FHIT: variants seen among roughly 807,000 people sequenced by gnomAD.
The protein encoded by FHIT is fragile histidine triad diadenosine triphosphatase.
A neutral mutation model predicts 17.9 loss-of-function variants in FHIT; 19 were observed. The ratio of observed to expected loss-of-function variants is 1.06; its 90% CI spans 0.74 to 1.56. The LOEUF is 1.56. Among genes scored for constraint, FHIT ranks in the 40% most tolerant of loss-of-function variants. The pLI, the probability that FHIT is intolerant of heterozygous loss-of-function variation, is 0.00. For missense variants in FHIT, 248 were observed against 189.2 expected (o/e 1.31, Z -1.82); for synonymous variants, 81 against 69.7 (o/e 1.16, Z -0.81).
rs1342847064 is a variant in FHIT, at chr3:61,214,246, T to A, written c.-212-13581A>T. On this transcript the variant is annotated intron_variant, in intron 1 of 9. Coordinates refer to ENST00000492590, the MANE Select transcript of FHIT (RefSeq NM_002012.4). ...GGTTTTTTGAAAGGATCAACAAAATTGACAGACAGCTAGCAAGACTAATAA... is the reference window on the plus strand; with the variant it reads ...GGTTTTTTGAAAGGATCAACAAAATAGACAGACAGCTAGCAAGACTAATAA... 3.3e-5 allele frequency among the ~76,000 whole-genome samples: 4 copies of A among 121,638 alleles called. No individual in the cohort carries two copies. The South Asian group carries it at 1.0e-3, about 31-fold the overall frequency. The allele number at this position is 121,638 out of a possible 152,430, so 79.8% of individuals were successfully genotyped here. A position where few individuals can be genotyped will look rare whatever the true frequency, so the allele number is the denominator to read the frequency against.
At chr3:60,925,254 T>C (rs553399177) in intron 3 of FHIT, among the ~76,000 whole-genome samples, 3 of 152,246 alleles carry the variant, frequency 2.0e-5, no homozygotes, top group African/African-American at 7.2e-5. Flanking sequence ...AGACACATAA[T>C]TGTCAGATTC....
At chr3:60,618,163 G>A (rs1452781178) in intron 4 of FHIT, 1 of 153,686 alleles carries the variant, frequency 6.5e-6, no homozygotes, top group African/African-American at 2.4e-5. Flanking sequence ...CAAAAAGGAG[G>A]GGTATGATTT....
At chr3:60,225,103 C>A (rs181160321) in intron 5 of FHIT, among the ~76,000 whole-genome samples, 2 of 152,270 alleles carry the variant, frequency 1.3e-5, no homozygotes, top group Non-Finnish European at 2.9e-5. Context: ...TTCGTCATTA[C>A]TAAGTCCTTC....
At chr3:61,214,340 A>G (rs1022970911) in intron 1 of FHIT, among the ~76,000 whole-genome samples, 7 of 152,254 alleles carry the variant, frequency 4.6e-5, no homozygotes, top group East Asian at 1.9e-4. Flanking sequence ...CACCAATCCC[A>G]TAGAAATACA....
chr3:60,392,797 G>T (rs1701283908), intron 5 of FHIT, among the ~76,000 whole-genome samples: 1 of 152,190 alleles, frequency 6.6e-6, no homozygotes, highest in Admixed American at 6.5e-5. Flanking sequence ...GTGGGGCCCA[G>T]TAAAACCAAA....
chr3:60,017,857 G>T (rs763217441), intron 5 of FHIT, among the ~76,000 whole-genome samples: 1 of 152,184 alleles, frequency 6.6e-6, no homozygotes, highest in Non-Finnish European at 1.5e-5. Context: ...CCTAGAGCTG[G>T]TGTGGTTTGC....
At chr3:60,966,146 C>T (rs1272673983) in intron 3 of FHIT, among the ~76,000 whole-genome samples, 1 of 152,158 alleles carries the variant, frequency 6.6e-6, no homozygotes, top group African/African-American at 2.4e-5. Context: ...TTGCGGACAC[C>T]CCTCCCCCAG....
intron 7 of FHIT, among the ~76,000 whole-genome samples, chr3:59,966,763 A>T (rs1413780847): frequency 6.6e-6 from 1 of 152,156 alleles, no homozygotes; most frequent in Non-Finnish European, 1.5e-5. Context: ...GTCAGTGAGT[A>T]AGGGGTGACT....
chr3:60,960,063 G>C (rs75297519), intron 3 of FHIT, among the ~76,000 whole-genome samples: 2 of 148,034 alleles, frequency 1.4e-5, no homozygotes, highest in East Asian at 2.0e-4. Context: ...TTTTGGGGCA[G>C]TTTTTTTTTT....
intron 4 of FHIT, among the ~76,000 whole-genome samples, chr3:60,746,320 T>C (rs1261721118): frequency 6.6e-6 from 1 of 152,180 alleles, no homozygotes; most frequent in East Asian, 1.9e-4. Flanking sequence ...GATTCAAGAT[T>C]TGGGAGAGAT....
chr3:60,613,646 T>A (rs2038853175), intron 4 of FHIT, among the ~76,000 whole-genome samples: 1 of 152,160 alleles, frequency 6.6e-6, no homozygotes, highest in South Asian at 2.1e-4. Flanking sequence ...CCTACTTCCT[T>A]TTCTTTAACT....
intron 1 of FHIT, among the ~76,000 whole-genome samples, chr3:61,201,188 C>T (rs978267600): frequency 6.6e-6 from 1 of 152,304 alleles, no homozygotes; most frequent in African/African-American, 2.4e-5. Context: ...ATCACCCTTC[C>T]TGTATGTAGA....
At chr3:60,188,753 T>C (rs181401458) in intron 5 of FHIT, among the ~76,000 whole-genome samples, 3 of 152,242 alleles carry the variant, frequency 2.0e-5, no homozygotes, top group African/African-American at 7.2e-5. Flanking sequence ...CCATCTCAAG[T>C]GAAATCTTGA....
chr3:60,232,920 G>A (rs961854952), intron 5 of FHIT, among the ~76,000 whole-genome samples: 2 of 152,186 alleles, frequency 1.3e-5, no homozygotes, highest in African/African-American at 2.4e-5. Flanking sequence ...TCAACTTTTA[G>A]AAGTGATAAT....
intron 4 of FHIT, among the ~76,000 whole-genome samples, chr3:60,585,171 G>T (rs1266404902): frequency 6.6e-6 from 1 of 151,964 alleles, no homozygotes; most frequent in Non-Finnish European, 1.5e-5. Flanking sequence ...AATAGTTCAT[G>T]TGAGAGTAAG....
At chr3:60,170,454 A>C (rs1204137382) in intron 5 of FHIT, among the ~76,000 whole-genome samples, 2 of 152,184 alleles carry the variant, frequency 1.3e-5, no homozygotes, top group Non-Finnish European at 2.9e-5. Context: ...CTGATAATCC[A>C]TCCCACGTGA....
chr3:60,115,399 T>C (rs866074518), intron 5 of FHIT, among the ~76,000 whole-genome samples: 37 of 152,308 alleles, frequency 2.4e-4, no homozygotes, highest in African/African-American at 8.4e-4. Flanking sequence ...AACTACCATA[T>C]GATAAAATAC....
intron 5 of FHIT, among the ~76,000 whole-genome samples, chr3:60,341,245 T>C (rs1210558718): frequency 6.6e-6 from 1 of 152,198 alleles, no homozygotes; most frequent in Non-Finnish European, 1.5e-5. Flanking sequence ...TTGTAAGGTA[T>C]ACCTATATTA....
chr3:60,356,791 A>G (rs985169708), intron 5 of FHIT, among the ~76,000 whole-genome samples: 3 of 143,122 alleles, frequency 2.1e-5, no homozygotes, highest in African/African-American at 5.4e-5. Flanking sequence ...CGGAAGAAAG[A>G]GTAAATTGTA....
Sources: allele counts gnomAD v4.1 joint callset (sites outside exome capture counted in the v4.1 genomes callset), GRCh38; gene constraint gnomAD v4.1.1; transcripts MANE v1.5; gene names NCBI Gene and HGNC (gene_info 2026-07-23, HGNC 2026-07-21).